NIN: variants seen among roughly 807,000 people sequenced by gnomAD.
NIN encodes ninein.
A neutral mutation model predicts 257.6 loss-of-function variants in NIN; 137 were observed. That is an observed-to-expected ratio of 0.53 (90% CI 0.46 to 0.61). The LOEUF (loss-of-function observed/expected upper bound fraction) is 0.61, where lower values mean the gene tolerates loss of function less well. NIN is among the 20% of genes least tolerant of loss of function. The pLI, the probability that NIN is intolerant of heterozygous loss-of-function variation, is 0.00. For missense variants in NIN, 2,439 were observed against 2,501.2 expected, an observed-to-expected ratio of 0.98 and a Z score of 0.53; for synonymous variants, 918 against 919.8, an observed-to-expected ratio of 1.00 and a Z score of 0.04.
intron 2 of NIN, among the ~76,000 whole-genome samples, chr14:50,829,781 C>T (rs369067108): frequency 6.6e-6 from 1 of 152,154 alleles, no homozygotes; most frequent in Non-Finnish European, 1.5e-5. Context: ...GGGAAATTGC[C>T]TCTTTCCGTC....
intron 29 of NIN, chr14:50,726,450 C>A (rs919454925): frequency 1.2e-5 from 2 of 173,524 alleles, no homozygotes; most frequent in Non-Finnish European, 2.5e-5. Flanking sequence ...ATGGGCCTCT[C>A]AACAACAAAA....
chr14:50,790,768 C>T (rs2043556314), intron 5 of NIN, among the ~76,000 whole-genome samples: 1 of 152,218 alleles, frequency 6.6e-6, no homozygotes, highest in Admixed American at 6.5e-5. Flanking sequence ...TACCATTTTA[C>T]TGAGACATAA....
chr14:50,729,744 C>G (rs1304597680), intron 28 of NIN, 21 bp from the exon 29 acceptor site: 2 of 1,563,986 alleles, frequency 1.3e-6, no homozygotes, highest in Non-Finnish European at 1.7e-6. Flanking sequence ...AGGGCAAAGC[C>G]CTGTTCAGCT....
intron 4 of NIN, chr14:50,794,475 G>A (rs1187586221): frequency 1.0e-6 from 1 of 999,776 alleles, no homozygotes; most frequent in Non-Finnish European, 1.2e-6. Context: ...TGACCATTCA[G>A]GAGCGGCCCA....
chr14:50,801,940 C>A (rs2044121656), intron 4 of NIN, among the ~76,000 whole-genome samples: 1 of 152,160 alleles, frequency 6.6e-6, no homozygotes, highest in South Asian at 2.1e-4. Context: ...CTAACATCTA[C>A]TAAAGAACAG....
chr14:50,724,080 AACT>A (rs2040327085), intron 30 of NIN: 1 of 192,302 alleles, frequency 5.2e-6, no homozygotes, highest in Admixed American at 5.9e-5. Context: ...TACCATTCGT[AACT>A]ACAACCCACT....
At chr14:50,817,974 C>G (rs2044996949) in intron 3 of NIN, among the ~76,000 whole-genome samples, 1 of 151,722 alleles carries the variant, frequency 6.6e-6, no homozygotes, top group Non-Finnish European at 1.5e-5. Context: ...CCTCGGCCTC[C>G]CAAAGTGCTA....
intron 3 of NIN, among the ~76,000 whole-genome samples, chr14:50,819,739 T>C (rs2045109941): frequency 6.6e-6 from 1 of 152,250 alleles, no homozygotes; most frequent in Admixed American, 6.5e-5. Context: ...AATGAATAGA[T>C]TAATATATTC....
In NIN at chr14:50,770,633, G is replaced by A. The variant is rs561541604; in HGVS notation, c.1260-71C>T. Reference sequence around the variant, plus strand: ...GTCCCAGTATCAATCTACCAAAAATGGAAACACAGAGGCACAGAGATGAAA... The same window carrying A: ...GTCCCAGTATCAATCTACCAAAAATAGAAACACAGAGGCACAGAGATGAAA... On this transcript the variant is annotated intron_variant, in intron 11 of 30. Coordinates refer to ENST00000530997, the MANE Select transcript of NIN (RefSeq NM_020921.4). 5.2e-6 allele frequency: 8 copies of A among 1,546,510 alleles called. No individual in the cohort carries two copies. The African/African-American group carries it at 8.2e-5, about 16-fold the overall frequency.
rs537479680 is a variant in NIN at position 50,756,766 on chromosome 14, T to C, written c.4264A>G (p.Arg1422Gly). The C allele has an allele frequency of 6.4e-7, 1 of 1,551,580 alleles. No individual in the cohort carries two copies. The highest frequency in any genetic ancestry group is 2.4e-5 in the East Asian group (1 of 40,916). Residue 1422 changes from arginine to glycine, a missense_variant, in exon 18 of 31, where the codon AGG (arginine) becomes GGG (glycine). Physicochemically the swap from Arg to Gly is moderately radical, Grantham distance 125. Transcript: ENST00000530997. Reference sequence around the variant, plus strand: ...ATAACTTGATTCTGTACTCTTGGCCTTTCTTGATGTGTCTGAATTGTTCCA... The same window carrying C: ...ATAACTTGATTCTGTACTCTTGGCCCTTCTTGATGTGTCTGAATTGTTCCA... Reference protein sequence around the residue: ...LHGTIQTHQERPRVQNQVILE... With the variant: ...LHGTIQTHQEGPRVQNQVILE...
chr14:50,775,582 C>A (rs2042890329), intron 7 of NIN, among the ~76,000 whole-genome samples: 1 of 152,108 alleles, frequency 6.6e-6, no homozygotes, highest in African/African-American at 2.4e-5. Context: ...GCAGGAAAAA[C>A]ACTAAGTAAA....
chr14:50,738,619 A>C (rs1336058263), intron 26 of NIN, among the ~76,000 whole-genome samples: 4 of 152,120 alleles, frequency 2.6e-5, no homozygotes, highest in Non-Finnish European at 5.9e-5. Context: ...TGACATGAAC[A>C]CTACTTTTAG....
chr14:50,778,921 T>G, intron 5 of NIN, 117 bp from the exon 6 acceptor site: 1 of 1,051,970 alleles, frequency 9.5e-7, no homozygotes, highest in Middle Eastern at 2.0e-4. Flanking sequence ...GTGAGTCACA[T>G]AATTTCAGGA....
intron 2 of NIN, 84 bp from the exon 3 acceptor site, chr14:50,822,161 T>C (rs2045253409): frequency 3.2e-6 from 3 of 931,708 alleles, no homozygotes; most frequent in Admixed American, 2.1e-5. Context: ...TCCCGTTCTC[T>C]GTACCCCACC....
In NIN at chr14:50,726,282, A is replaced by G. The variant is rs546874977; in HGVS notation, c.6079-216T>C. On this transcript the variant is annotated intron_variant, in intron 29 of 30. Coordinates refer to ENST00000530997, the MANE Select transcript of NIN (RefSeq NM_020921.4). Reference sequence around the variant, plus strand: ...TAAAGGATCAGACTGAAAAATCAAAAGAATCTTACCTGTGTTACCATCATC... The same window carrying G: ...TAAAGGATCAGACTGAAAAATCAAAGGAATCTTACCTGTGTTACCATCATC... 1.2e-5 allele frequency: 6 copies of G among 484,458 alleles called. No homozygotes were observed. The South Asian group carries it at 2.3e-4, about 19-fold the overall frequency. The allele number at this position is 484,458 out of a possible 1,614,324, so 30.0% of individuals were successfully genotyped here.
At chr14:50,767,301 C>T (rs188785167) in intron 12 of NIN, among the ~76,000 whole-genome samples, 52 of 152,304 alleles carry the variant, frequency 3.4e-4, no homozygotes, top group Admixed American at 1.0e-3. Context: ...CTGGATTAAA[C>T]AAGATTATTT....
chr14:50,740,708 C>T (rs1200967641), intron 25 of NIN, among the ~76,000 whole-genome samples: 1 of 152,152 alleles, frequency 6.6e-6, no homozygotes, highest in Non-Finnish European at 1.5e-5. Flanking sequence ...TCTTGAACTC[C>T]TGGCTTCAAG....
chr14:50,747,305 T>C (rs2041590172), intron 22 of NIN, among the ~76,000 whole-genome samples: 1 of 151,996 alleles, frequency 6.6e-6, no homozygotes, highest in South Asian at 2.1e-4. Flanking sequence ...CAAATCAGTG[T>C]GAACAGAATT....
intron 3 of NIN, among the ~76,000 whole-genome samples, chr14:50,819,769 T>A (rs931655511): frequency 2.0e-5 from 3 of 151,892 alleles, no homozygotes; most frequent in African/African-American, 7.2e-5. Flanking sequence ...ATGCTACCCT[T>A]TCTTTCTTTC....
Sources: gnomAD v4.1 joint callset for allele counts (sites outside exome capture counted in the v4.1 genomes callset) on GRCh38, gnomAD v4.1.1 for gene constraint, MANE v1.5 for transcripts, NCBI Gene and HGNC (gene_info 2026-07-23, HGNC 2026-07-21) for gene names.